The following MAGI2 variants were observed in gnomAD, a reference collection of about 807,000 sequenced individuals.
MAGI2 encodes the protein membrane-associated guanylate kinase, WW and PDZ domain-containing protein 2.
A neutral mutation model predicts 133.3 loss-of-function variants in MAGI2; 35 were observed. That is an observed-to-expected ratio of 0.26 (90% confidence interval 0.20 to 0.35). MAGI2 has a LOEUF of 0.35. Ranked by LOEUF, MAGI2 falls within the 10% of genes least tolerant of loss-of-function variation. The pLI is 1.00. For synonymous variants in MAGI2, 729 were observed against 710.6 expected (o/e 1.03, Z -0.41); for missense variants, 1,636 against 1,863.4 (o/e 0.88, Z 2.25).
At chr7:78,278,196 C>T (rs1424588463) in intron 9 of MAGI2, among the ~76,000 whole-genome samples, 2 of 152,058 alleles carry the variant, frequency 1.3e-5, no homozygotes, top group Non-Finnish European at 2.9e-5. Flanking sequence ...AACAACCAAA[C>T]GTGCATTCTA....
At chr7:78,515,667 G>A (rs1390152968) in intron 4 of MAGI2, among the ~76,000 whole-genome samples, 2 of 152,184 alleles carry the variant, frequency 1.3e-5, no homozygotes, top group Non-Finnish European at 2.9e-5. Context: ...TTGGGAGGCC[G>A]AGGCGGGTGG....
chr7:78,950,626 A>G (rs1387508114), intron 2 of MAGI2, among the ~76,000 whole-genome samples: 1 of 152,140 alleles, frequency 6.6e-6, no homozygotes, highest in African/African-American at 2.4e-5. Flanking sequence ...AGCAAAAGTT[A>G]GTTTCTTCAG....
chr7:79,108,687 T>C (rs754686966), intron 1 of MAGI2, among the ~76,000 whole-genome samples: 4 of 152,220 alleles, frequency 2.6e-5, no homozygotes, highest in Non-Finnish European at 1.5e-5. Flanking sequence ...ATTTTATTTA[T>C]AATTTCATGG....
chr7:79,221,248 T>C (rs1585239336), intron 1 of MAGI2, among the ~76,000 whole-genome samples: 1 of 152,078 alleles, frequency 6.6e-6, no homozygotes, highest in East Asian at 1.9e-4. Flanking sequence ...AATTAGAAAA[T>C]TATTTCCATG....
chr7:79,277,239 G>C (rs1053755528), intron 1 of MAGI2, among the ~76,000 whole-genome samples: 4 of 152,112 alleles, frequency 2.6e-5, no homozygotes, highest in Non-Finnish European at 5.9e-5. Flanking sequence ...AGGGAGGCAA[G>C]ACCCTTCATC....
At chr7:79,434,960 C>A (rs1451986560) in intron 1 of MAGI2, among the ~76,000 whole-genome samples, 2 of 152,216 alleles carry the variant, frequency 1.3e-5, no homozygotes, top group African/African-American at 4.8e-5. Flanking sequence ...TGCCTGCTTG[C>A]CTTCAAACTG....
chr7:79,334,961 T>G (rs1392926416), intron 1 of MAGI2, among the ~76,000 whole-genome samples: 1 of 152,120 alleles, frequency 6.6e-6, no homozygotes, highest in African/African-American at 2.4e-5. Flanking sequence ...AAGGAGTGGT[T>G]TTTAAATACT....
chr7:79,209,463 T>C (rs1427059282), intron 1 of MAGI2, among the ~76,000 whole-genome samples: 3 of 152,174 alleles, frequency 2.0e-5, no homozygotes, highest in African/African-American at 7.2e-5. Context: ...TATTTTTATC[T>C]AGATATTAAG....
At chr7:78,855,873 A>G (rs1007484098) in intron 2 of MAGI2, among the ~76,000 whole-genome samples, 1 of 152,224 alleles carries the variant, frequency 6.6e-6, no homozygotes, top group African/African-American at 2.4e-5. Flanking sequence ...TCCCACCAAC[A>G]GTGTAAAAGT....
intron 2 of MAGI2, among the ~76,000 whole-genome samples, chr7:78,879,682 C>T (rs145455376): frequency 6.6e-6 from 1 of 152,092 alleles, no homozygotes; most frequent in African/African-American, 2.4e-5. Flanking sequence ...AAAATCTGAA[C>T]ATTGTGACAT....
intron 4 of MAGI2, among the ~76,000 whole-genome samples, chr7:78,510,575 T>C (rs746025024): frequency 2.2e-4 from 33 of 152,160 alleles, no homozygotes; most frequent in Non-Finnish European, 4.0e-4. Flanking sequence ...GTAATGCAAA[T>C]GTCAGAAAAG....
Position 78,135,130 on chromosome 7 carries a change from C to A in MAGI2, c.2922G>T (p.Arg974=). ...TAGACTGGCCATTCACTGCTAGGAT[C>A]CGGTCTCCCACTTTTAGTTTTGCAC... The part of the protein sequence containing the change: ...DRCAKLKVGD[R]ILAVNGQSII... Residue 974 remains arginine, a synonymous_variant, in exon 17 of 22, where the codon CGG becomes CGT. Coordinates refer to ENST00000354212, the MANE Select transcript of MAGI2 (RefSeq NM_012301.4). 1 of 1,614,162 alleles carries A rather than the reference C, an allele frequency of 6.2e-7. No homozygotes were observed. The highest frequency in any genetic ancestry group is 8.5e-7 in the Non-Finnish European group (1 of 1,180,022).
At chr7:79,319,497 A>G (rs1839006499) in intron 1 of MAGI2, among the ~76,000 whole-genome samples, 1 of 152,168 alleles carries the variant, frequency 6.6e-6, no homozygotes, top group Non-Finnish European at 1.5e-5. Context: ...AAGCAGAAGT[A>G]TGTATGTGTC....
chr7:78,929,759 T>A (rs1202024173), intron 2 of MAGI2, among the ~76,000 whole-genome samples: 5 of 152,030 alleles, frequency 3.3e-5, no homozygotes, highest in Admixed American at 2.6e-4. Flanking sequence ...TTTAATCACA[T>A]CTGCAATTCT....
chr7:78,855,627 G>A (rs1207823), intron 2 of MAGI2, among the ~76,000 whole-genome samples: 20,407 of 152,140 alleles, frequency 0.13, 1,790 homozygotes, highest in Non-Finnish European at 0.2. Flanking sequence ...GTGTATATGT[G>A]CCACATTTTC....
chr7:78,888,639 C>A (rs1026226554), intron 2 of MAGI2, among the ~76,000 whole-genome samples: 1 of 152,210 alleles, frequency 6.6e-6, no homozygotes, highest in East Asian at 1.9e-4. Context: ...GGACCTCCAG[C>A]AAACTCCGAC....
At chr7:78,705,271 GCTCTTC>G (rs1818523229) in intron 2 of MAGI2, among the ~76,000 whole-genome samples, 1 of 151,964 alleles carries the variant, frequency 6.6e-6, no homozygotes, top group Admixed American at 6.6e-5. Flanking sequence ...TTTATAAGGG[GCTCTTC>G]CCCCTTCACT....
At chr7:79,215,920 T>C (rs1054843384) in intron 1 of MAGI2, among the ~76,000 whole-genome samples, 1 of 151,870 alleles carries the variant, frequency 6.6e-6, no homozygotes, top group African/African-American at 2.4e-5. Flanking sequence ...TTCCATGACA[T>C]GGAATACTTT....
At chr7:78,657,443 TG>T (rs1349790516) in intron 2 of MAGI2, among the ~76,000 whole-genome samples, 4 of 152,196 alleles carry the variant, frequency 2.6e-5, no homozygotes, top group Non-Finnish European at 5.9e-5. Context: ...AGTAGGTAAA[TG>T]GATAAACTGT....
Sources: allele counts gnomAD v4.1 joint callset (sites outside exome capture counted in the v4.1 genomes callset), GRCh38; gene constraint gnomAD v4.1.1; transcripts MANE v1.5; gene names NCBI Gene and HGNC (gene_info 2026-07-23, HGNC 2026-07-21).